The following ZCCHC7 variants were observed in gnomAD, a reference collection of about 807,000 sequenced individuals.
ZCCHC7 encodes the protein zinc finger CCHC domain-containing protein 7.
In ZCCHC7, 35 loss-of-function variants were observed where a neutral mutation model predicts 52.0. That is an observed-to-expected ratio of 0.67 (90% confidence interval 0.51 to 0.89). The LOEUF is 0.89. ZCCHC7 is among the 40% of genes least tolerant of loss of function. The probability of loss-of-function intolerance (pLI) is 0.00; values close to 1 mark genes in which losing one functional copy is unlikely to be tolerated. For synonymous variants in ZCCHC7, 217 were observed against 221.5 expected (o/e 0.98, Z 0.18); for missense variants, 574 against 649.1 (o/e 0.88, Z 1.26).
At position 37,231,494 on chromosome 9, in the gene ZCCHC7, G is replaced by A. The variant is rs186853540; in HGVS notation, c.611-70694G>A. ...TTTTATATTTGTTCCTGGTTAATAG[G>A]TAAGCTGTTGTTTTGTATATTTTTT... is the stretch of plus-strand genomic sequence containing the variant. On this transcript the variant is annotated intron_variant, in intron 2 of 8. Coordinates refer to ENST00000336755, the MANE Select transcript of ZCCHC7 (RefSeq NM_032226.3). Among the ~76,000 whole-genome samples the A allele has an allele frequency of 3.9e-5, 6 of 152,144 alleles. No individual in the cohort carries two copies. In the East Asian group the frequency reaches 1.2e-3, roughly 29 times the overall value.
At chr9:37,192,998 A>G (rs1218681947) in intron 2 of ZCCHC7, among the ~76,000 whole-genome samples, 1 of 152,184 alleles carries the variant, frequency 6.6e-6, no homozygotes, top group African/African-American at 2.4e-5. Flanking sequence ...GGGAAGCACT[A>G]CTTAGCTTTC....
intron 2 of ZCCHC7, among the ~76,000 whole-genome samples, chr9:37,161,502 C>A (rs986432302): frequency 6.6e-6 from 1 of 151,720 alleles, no homozygotes; most frequent in African/African-American, 2.4e-5. Context: ...ATGAACCTGG[C>A]AGGCGGAGCT....
intron 2 of ZCCHC7, among the ~76,000 whole-genome samples, chr9:37,133,376 CT>C (rs778044762): frequency 0.084 from 11,310 of 134,448 alleles, 501 homozygotes; most frequent in Middle Eastern, 0.13. Context: ...GGAATATTTT[CT>C]TTTTTTTTTT....
chr9:37,321,080 CT>C (rs1271154679), intron 5 of ZCCHC7, among the ~76,000 whole-genome samples: 1 of 150,054 alleles, frequency 6.7e-6, no homozygotes, highest in Non-Finnish European at 1.5e-5. Flanking sequence ...CTTCCGCCTC[CT>C]GGGTTCAAGC....
At chr9:37,337,842 A>C (rs1218166485) in intron 6 of ZCCHC7, among the ~76,000 whole-genome samples, 7 of 152,162 alleles carry the variant, frequency 4.6e-5, no homozygotes, top group Admixed American at 3.3e-4. Flanking sequence ...CGTTTGTGTC[A>C]CTATGTAGGT....
chr9:37,240,005 G>A (rs998124695), intron 2 of ZCCHC7, among the ~76,000 whole-genome samples: 2 of 151,962 alleles, frequency 1.3e-5, no homozygotes, highest in African/African-American at 2.4e-5. Context: ...GGTAAGCTGC[G>A]AGGCATTTAT....
chr9:37,122,968 T>G (rs1462307146), intron 1 of ZCCHC7, among the ~76,000 whole-genome samples: 1 of 152,222 alleles, frequency 6.6e-6, no homozygotes, highest in South Asian at 2.1e-4. Flanking sequence ...GTTTAAAAAT[T>G]TTAGTAAACA....
At chr9:37,290,378 A>G (rs889947753) in intron 2 of ZCCHC7, among the ~76,000 whole-genome samples, 2 of 152,162 alleles carry the variant, frequency 1.3e-5, no homozygotes, top group African/African-American at 4.8e-5. Context: ...AATTGAGGCC[A>G]GGTGCAGTGG....
At chr9:37,291,554 A>G (rs1355900991) in intron 2 of ZCCHC7, among the ~76,000 whole-genome samples, 5 of 152,212 alleles carry the variant, frequency 3.3e-5, no homozygotes, top group Non-Finnish European at 5.9e-5. Context: ...GTAGACAGGT[A>G]TATATGCAGG....
chr9:37,316,942 A>T lies in ZCCHC7; in HGVS notation c.952-10857A>T, dbSNP rs1038480190. Among the ~76,000 whole-genome samples, 15 of 151,892 alleles carry T rather than the reference A, an allele frequency of 9.9e-5. No individual in the cohort carries two copies. The East Asian group carries it at 2.7e-3, about 27-fold the overall frequency. On this transcript the variant is annotated intron_variant, in intron 5 of 8. Transcript: ENST00000336755. ...ATAAAGAATTGGTAGATCAAAAAAA[A>T]TAATAATAATCAGAGATGTCTCCAA...
chr9:37,324,671 C>G (rs1185926821), intron 5 of ZCCHC7, among the ~76,000 whole-genome samples: 1 of 152,022 alleles, frequency 6.6e-6, no homozygotes, highest in African/African-American at 2.4e-5. Flanking sequence ...GGGTTTTTTT[C>G]TTCCCTTTTG....
chr9:37,280,057 C>G (rs948872052), intron 2 of ZCCHC7, among the ~76,000 whole-genome samples: 1 of 151,928 alleles, frequency 6.6e-6, no homozygotes, highest in Non-Finnish European at 1.5e-5. Context: ...AGGAGAATGG[C>G]GCGAACCCGG....
At chr9:37,298,730 T>C (rs1828900203) in intron 2 of ZCCHC7, among the ~76,000 whole-genome samples, 1 of 152,206 alleles carries the variant, frequency 6.6e-6, no homozygotes, top group Non-Finnish European at 1.5e-5. Flanking sequence ...CCAAATTGAA[T>C]CCTACTGTAT....
At chr9:37,178,057 C>T (rs1242533770) in intron 2 of ZCCHC7, among the ~76,000 whole-genome samples, 1 of 152,172 alleles carries the variant, frequency 6.6e-6, no homozygotes, top group Admixed American at 6.5e-5. Context: ...GGGAAACTGG[C>T]TGTGGTGCAC....
At chr9:37,265,611 T>C (rs1827069022) in intron 2 of ZCCHC7, among the ~76,000 whole-genome samples, 2 of 152,240 alleles carry the variant, frequency 1.3e-5, no homozygotes, top group South Asian at 4.1e-4. Context: ...ATGCTACCAC[T>C]GTAGTTGAAA....
At chr9:37,157,811 G>A (rs557047484) in intron 2 of ZCCHC7, among the ~76,000 whole-genome samples, 3 of 152,230 alleles carry the variant, frequency 2.0e-5, no homozygotes, top group Non-Finnish European at 4.4e-5. Flanking sequence ...GTGAAGATGT[G>A]GAGATTGGGA....
At chr9:37,149,041 C>T (rs1338611238) in intron 2 of ZCCHC7, among the ~76,000 whole-genome samples, 19 of 152,070 alleles carry the variant, frequency 1.2e-4, no homozygotes, top group South Asian at 8.3e-4. Flanking sequence ...AAACTAGACC[C>T]GTTAAAGTGG....
At chr9:37,350,712 A>G (rs1048077604) in intron 7 of ZCCHC7, among the ~76,000 whole-genome samples, 4 of 152,258 alleles carry the variant, frequency 2.6e-5, no homozygotes, top group Non-Finnish European at 5.9e-5. Context: ...GGCAGATGCC[A>G]CATTAAGTAT....
At chr9:37,245,891 G>T (rs1246912775) in intron 2 of ZCCHC7, among the ~76,000 whole-genome samples, 1 of 152,046 alleles carries the variant, frequency 6.6e-6, no homozygotes, top group East Asian at 1.9e-4. Flanking sequence ...GGTGTGGCTG[G>T]ACCATAGGTT....
Sources: allele counts gnomAD v4.1 joint callset (sites outside exome capture counted in the v4.1 genomes callset), GRCh38; gene constraint gnomAD v4.1.1; transcripts MANE v1.5; gene names NCBI Gene and HGNC (gene_info 2026-07-23, HGNC 2026-07-21).